The following DNER variants were observed in gnomAD, a reference collection of about 807,000 sequenced individuals.
DNER encodes the protein delta/notch like EGF repeat containing, also known as delta and Notch-like epidermal growth factor-related receptor.
A neutral mutation model predicts 78.2 loss-of-function variants in DNER; 33 were observed. The ratio of observed to expected loss-of-function variants is 0.42; its 90% CI spans 0.32 to 0.56. The LOEUF (loss-of-function observed/expected upper bound fraction) is 0.56, where lower values mean the gene tolerates loss of function less well. DNER is among the 20% of genes least tolerant of loss of function. The probability of loss-of-function intolerance (pLI) is 0.11; values close to 1 mark genes in which losing one functional copy is unlikely to be tolerated. For missense variants in DNER, 918 were observed against 975.3 expected (o/e 0.94, Z 0.78); for synonymous variants, 417 against 384.8 (o/e 1.08, Z -0.98).
At chr2:229,674,538 C>A (rs1559204667) in intron 1 of DNER, among the ~76,000 whole-genome samples, 1 of 152,218 alleles carries the variant, frequency 6.6e-6, no homozygotes, top group Non-Finnish European at 1.5e-5. Context: ...CTTGGCCTCC[C>A]AAAGTGCTAG....
intron 5 of DNER, among the ~76,000 whole-genome samples, chr2:229,543,994 C>T (rs576021240): frequency 9.9e-5 from 15 of 152,212 alleles, no homozygotes; most frequent in African/African-American, 3.4e-4. Context: ...CACAACTATA[C>T]ACACACGCCA....
At chr2:229,446,513 CA>C (rs1694346344) in intron 8 of DNER, among the ~76,000 whole-genome samples, 1 of 152,140 alleles carries the variant, frequency 6.6e-6, no homozygotes, top group Non-Finnish European at 1.5e-5. Flanking sequence ...AGATACTGGC[CA>C]GCCATACTGA....
chr2:229,671,358 G>A (rs1364111924), intron 1 of DNER, among the ~76,000 whole-genome samples: 2 of 152,156 alleles, frequency 1.3e-5, no homozygotes, highest in African/African-American at 4.8e-5. Context: ...TCCTCCTGCT[G>A]TTCCTCCAAA....
At chr2:229,460,111 C>T (rs1401043081) in intron 7 of DNER, among the ~76,000 whole-genome samples, 4 of 130,902 alleles carry the variant, frequency 3.1e-5, no homozygotes, top group East Asian at 2.3e-4. Context: ...GAGCAGAGAT[C>T]GCGCCACTAC....
At chr2:229,662,921 G>A (rs1203546099) in intron 1 of DNER, among the ~76,000 whole-genome samples, 3 of 152,230 alleles carry the variant, frequency 2.0e-5, no homozygotes, top group East Asian at 3.9e-4. Context: ...CCTAAATCCA[G>A]TCTGTTCTGC....
chr2:229,439,492 G>C (rs969231404), intron 8 of DNER, among the ~76,000 whole-genome samples: 1 of 152,166 alleles, frequency 6.6e-6, no homozygotes, highest in African/African-American at 2.4e-5. Context: ...CTGTTCGGAG[G>C]CAAAGCTGGT....
intron 11 of DNER, among the ~76,000 whole-genome samples, chr2:229,376,931 T>C (rs554418652): frequency 2.0e-5 from 3 of 152,334 alleles, no homozygotes; most frequent in African/African-American, 7.2e-5. Context: ...AATATAATCA[T>C]TTGATACATT....
intron 10 of DNER, among the ~76,000 whole-genome samples, chr2:229,405,932 C>G (rs1449506306): frequency 6.6e-6 from 1 of 152,132 alleles, no homozygotes; most frequent in African/African-American, 2.4e-5. Flanking sequence ...TTTGCCTCCA[C>G]TGGTGAGTAT....
At chr2:229,701,023 T>C (rs1408650169) in intron 1 of DNER, among the ~76,000 whole-genome samples, 2 of 152,196 alleles carry the variant, frequency 1.3e-5, no homozygotes, top group Non-Finnish European at 2.9e-5. Context: ...TTACATAGGC[T>C]TCACATATGC....
chr2:229,459,951 A>C (rs1026443647), intron 7 of DNER, among the ~76,000 whole-genome samples: 2 of 151,750 alleles, frequency 1.3e-5, no homozygotes, highest in African/African-American at 2.4e-5. Flanking sequence ...AGGTCAAAAG[A>C]TCGAGACCAT....
chr2:229,658,124 G>C (rs1000005960), intron 1 of DNER, among the ~76,000 whole-genome samples: 1 of 152,176 alleles, frequency 6.6e-6, no homozygotes, highest in Non-Finnish European at 1.5e-5. Context: ...TGATCAGGGA[G>C]TCGGGGTCAT....
At chr2:229,606,341 A>C (rs1028695116) in intron 1 of DNER, 1 of 152,196 alleles carries the variant, frequency 6.6e-6, no homozygotes, top group Non-Finnish European at 1.5e-5. Context: ...CCTTGAGCAC[A>C]GGAAAGGAGA....
intron 6 of DNER, among the ~76,000 whole-genome samples, chr2:229,485,345 G>T (rs796502247): frequency 2.6e-5 from 4 of 152,276 alleles, no homozygotes; most frequent in African/African-American, 9.6e-5. Context: ...AAGGCAAAAG[G>T]CAGAAAGTGA....
intron 10 of DNER, among the ~76,000 whole-genome samples, chr2:229,406,625 C>T (rs1325380316): frequency 6.6e-6 from 1 of 152,196 alleles, no homozygotes; most frequent in Non-Finnish European, 1.5e-5. Context: ...GTACAAACCA[C>T]ATTTCACATC....
intron 4 of DNER, chr2:229,580,396 T>A (rs901077159): frequency 6.6e-6 from 1 of 152,080 alleles, no homozygotes; most frequent in Non-Finnish European, 1.5e-5. Context: ...ATACCAATGG[T>A]CTGGATTAAA....
At chr2:229,602,022 A>G (rs1168150517) in intron 1 of DNER, among the ~76,000 whole-genome samples, 1 of 151,574 alleles carries the variant, frequency 6.6e-6, no homozygotes, top group South Asian at 2.1e-4. Flanking sequence ...ACTTTTAATC[A>G]TTCAAAGACC....
chr2:229,652,131 G>C (rs1242632314), intron 1 of DNER, among the ~76,000 whole-genome samples: 1 of 152,146 alleles, frequency 6.6e-6, no homozygotes, highest in African/African-American at 2.4e-5. Flanking sequence ...GAAAAAAGGA[G>C]CCCTGCCCCC....
intron 5 of DNER, among the ~76,000 whole-genome samples, chr2:229,542,105 T>C (rs1696527371): frequency 6.6e-6 from 1 of 151,702 alleles, no homozygotes; most frequent in Non-Finnish European, 1.5e-5. Context: ...TAAAGAAGAA[T>C]TAAGGCCTAA....
chr2:229,537,172 T>C (rs983634992), intron 5 of DNER, among the ~76,000 whole-genome samples: 1 of 152,150 alleles, frequency 6.6e-6, no homozygotes, highest in African/African-American at 2.4e-5. Flanking sequence ...ATGATTCACG[T>C]GCACATTAAG....
Sources: allele counts gnomAD v4.1 joint callset (sites outside exome capture counted in the v4.1 genomes callset), GRCh38; gene constraint gnomAD v4.1.1; transcripts MANE v1.5; gene names NCBI Gene and HGNC (gene_info 2026-07-23, HGNC 2026-07-21).